DOCK1: variants seen among roughly 807,000 people sequenced by gnomAD.
DOCK1 encodes the protein dedicator of cytokinesis protein 1.
DOCK1 carries 138 observed loss-of-function variants against 262.7 expected under a neutral mutation model. The ratio of observed to expected loss-of-function variants is 0.53; its 90% CI spans 0.46 to 0.61. DOCK1 has a LOEUF of 0.61. Ranked by LOEUF, DOCK1 falls within the 20% of genes least tolerant of loss-of-function variation. The pLI, the probability that DOCK1 is intolerant of heterozygous loss-of-function variation, is 0.00. For missense variants in DOCK1, 1,908 were observed against 2,370.7 expected (o/e 0.80, Z 4.05); for synonymous variants, 866 against 867.4 (o/e 1.00, Z 0.03).
At chr10:127,201,335 C>T (rs1361908944) in intron 27 of DOCK1, among the ~76,000 whole-genome samples, 4 of 152,200 alleles carry the variant, frequency 2.6e-5, no homozygotes, top group East Asian at 1.9e-4. Context: ...GCAGCCGAGC[C>T]GTGTTTCCTT....
intron 27 of DOCK1, among the ~76,000 whole-genome samples, chr10:127,227,179 C>T (rs1159314481): frequency 6.6e-6 from 1 of 152,226 alleles, no homozygotes; most frequent in African/African-American, 2.4e-5. Flanking sequence ...CCCTGTTCCT[C>T]ACCTGATGCC....
At chr10:127,046,085 T>C (rs539161474) in intron 21 of DOCK1, among the ~76,000 whole-genome samples, 1 of 152,354 alleles carries the variant, frequency 6.6e-6, no homozygotes, top group East Asian at 1.9e-4. Context: ...CAAATCATTA[T>C]TATTTTTCTT....
chr10:126,976,912 T>C (rs181802536), intron 2 of DOCK1, among the ~76,000 whole-genome samples: 3 of 152,184 alleles, frequency 2.0e-5, no homozygotes, highest in African/African-American at 4.8e-5. Flanking sequence ...TTTTGTATTT[T>C]TTATTAGAGA....
chr10:127,447,639 G>A (rs868488892), intron 51 of DOCK1, 94 bp downstream of exon 51: 98 of 1,511,564 alleles, frequency 6.5e-5, no homozygotes, highest in Non-Finnish European at 8.1e-5. Flanking sequence ...TTTACTTCGG[G>A]CTAGTGAGCA....
intron 1 of DOCK1, among the ~76,000 whole-genome samples, chr10:126,933,541 C>T (rs1294543104): frequency 1.3e-5 from 2 of 152,230 alleles, no homozygotes; most frequent in South Asian, 4.1e-4. Context: ...TGAGGGTTCC[C>T]TGTCCTGCCT....
At chr10:127,423,939 G>A (rs936213432) in intron 46 of DOCK1, among the ~76,000 whole-genome samples, 3 of 152,160 alleles carry the variant, frequency 2.0e-5, no homozygotes, top group Admixed American at 1.3e-4. Flanking sequence ...CTTTAGGAAT[G>A]CAGATTCCTG....
intron 37 of DOCK1, among the ~76,000 whole-genome samples, chr10:127,383,121 A>ATTATTG (rs1233319918): frequency 1.3e-5 from 2 of 152,232 alleles, no homozygotes; most frequent in African/African-American, 4.8e-5. Context: ...TGACAGATAT[A>ATTATTG]TTATTGTTTA....
chr10:127,141,113 G>A (rs1040332879), intron 27 of DOCK1, among the ~76,000 whole-genome samples: 2 of 152,182 alleles, frequency 1.3e-5, no homozygotes, highest in Non-Finnish European at 2.9e-5. Context: ...GGCATGGCTG[G>A]CATTCCTTGG....
intron 27 of DOCK1, among the ~76,000 whole-genome samples, chr10:127,174,402 G>C (rs762771012): frequency 2.4e-4 from 36 of 152,216 alleles, no homozygotes; most frequent in Non-Finnish European, 3.7e-4. Flanking sequence ...ATGCCGGCCT[G>C]TAGGAGGCTT....
chr10:126,990,421 C>G (rs1554967332), intron 5 of DOCK1, 34 bp from the exon 6 acceptor site: 1 of 1,569,110 alleles, frequency 6.4e-7, no homozygotes, highest in Admixed American at 1.9e-5. Context: ...TGTTTTATAA[C>G]AAAATCTTTC....
chr10:127,426,216 G>A (rs1454104498), intron 47 of DOCK1, among the ~76,000 whole-genome samples: 1 of 152,140 alleles, frequency 6.6e-6, no homozygotes, highest in African/African-American at 2.4e-5. Flanking sequence ...GAAATGTCAG[G>A]GCGAATAAAC....
chr10:127,448,897 A>G (rs983029882), intron 51 of DOCK1, among the ~76,000 whole-genome samples: 3 of 151,608 alleles, frequency 2.0e-5, no homozygotes, highest in African/African-American at 7.3e-5. Flanking sequence ...GGAGTGTTCC[A>G]CAAGGTCATT....
chr10:126,958,165 TA>T (rs1431694744), intron 1 of DOCK1, among the ~76,000 whole-genome samples: 1 of 152,250 alleles, frequency 6.6e-6, no homozygotes, highest in Admixed American at 6.5e-5. Flanking sequence ...GCTGATCACC[TA>T]AAGACTGTGT....
chr10:126,924,747 GCA>G (rs1445810443), intron 1 of DOCK1, among the ~76,000 whole-genome samples: 2 of 152,198 alleles, frequency 1.3e-5, no homozygotes, highest in Non-Finnish European at 1.5e-5. Flanking sequence ...ACGTTTGTCT[GCA>G]CAGTTTCCCT....
At position 127,336,679 on chromosome 10, in the gene DOCK1, G is replaced by A. The variant is rs549361575; in HGVS notation, c.3045-2327G>A. On this transcript the variant is annotated intron_variant, in intron 29 of 51. Coordinates refer to ENST00000623213, the MANE Select transcript of DOCK1 (RefSeq NM_001290223.2). Reference sequence around the variant, plus strand: ...CTCAGCCTCCCAAGTAGCTGGGACTGCAGGTGCCCGCCACCACACCCAGCT... The same window carrying A: ...CTCAGCCTCCCAAGTAGCTGGGACTACAGGTGCCCGCCACCACACCCAGCT... Among the ~76,000 whole-genome samples, 21 of 151,962 alleles carry A rather than the reference G, an allele frequency of 1.4e-4. 1 individual carries two copies. The highest frequency in any genetic ancestry group is 9.2e-4 in the Admixed American group (14 of 15,270).
intron 32 of DOCK1, among the ~76,000 whole-genome samples, chr10:127,355,363 T>C (rs2064095284): frequency 6.6e-6 from 1 of 152,188 alleles, no homozygotes; most frequent in South Asian, 2.1e-4. Context: ...TGACAATAAC[T>C]TGGTATCTTC....
At chr10:127,305,318 A>G (rs1484760693) in intron 29 of DOCK1, among the ~76,000 whole-genome samples, 1 of 152,186 alleles carries the variant, frequency 6.6e-6, no homozygotes, top group Non-Finnish European at 1.5e-5. Context: ...GTGCACTCTG[A>G]TGAGTCGGGC....
At chr10:127,139,027 CT>C (rs1239562676) in intron 27 of DOCK1, among the ~76,000 whole-genome samples, 1 of 152,156 alleles carries the variant, frequency 6.6e-6, no homozygotes, top group Non-Finnish European at 1.5e-5. Flanking sequence ...CCTGTCCCTC[CT>C]TGGGACCTCT....
chr10:127,100,096 T>A lies in DOCK1; in HGVS notation c.2446-6135T>A, dbSNP rs1325609776. On this transcript the variant is annotated intron_variant, in intron 23 of 51. Coordinates refer to ENST00000623213, the MANE Select transcript of DOCK1 (RefSeq NM_001290223.2). The surrounding 1 kb of genome is among the most constrained non-coding windows in gnomAD (Gnocchi z 5.5). ...TGGCCCTCCATGGGTGTGGGATAGG[T>A]TCCCTGTGTCCCATGAGCAGGGGAC... is the stretch of plus-strand genomic sequence containing the variant. Among the ~76,000 whole-genome samples the A allele has an allele frequency of 2.6e-5, 4 of 151,990 alleles. No individual in the cohort carries two copies. The highest frequency in any genetic ancestry group is 6.5e-5 in the Admixed American group (1 of 15,268).
Sources: gnomAD v4.1 joint callset for allele counts (sites outside exome capture counted in the v4.1 genomes callset) on GRCh38, gnomAD v4.1.1 for gene constraint, Gnocchi (gnomAD v3.1) non-coding constraint, MANE v1.5 for transcripts, NCBI Gene and HGNC (gene_info 2026-07-23, HGNC 2026-07-21) for gene names.